Variants in NUP85 observed in about 807,000 individuals in gnomAD.
NUP85 encodes the protein nuclear pore complex protein Nup85.
A neutral mutation model predicts 92.8 loss-of-function variants in NUP85; 23 were observed. The ratio of observed to expected loss-of-function variants is 0.25; its 90% CI spans 0.18 to 0.35. The LOEUF is 0.35. Ranked by LOEUF, NUP85 falls within the 10% of genes least tolerant of loss-of-function variation. The probability of loss-of-function intolerance (pLI) is 1.00; values close to 1 mark genes in which losing one functional copy is unlikely to be tolerated. For synonymous variants in NUP85, 314 were observed against 306.9 expected, an observed-to-expected ratio of 1.02 and a Z score of -0.24; for missense variants, 759 against 822.8, an observed-to-expected ratio of 0.92 and a Z score of 0.95.
intron 5 of NUP85, among the ~76,000 whole-genome samples, chr17:75,213,871 T>TG (rs1295023902): frequency 1.3e-5 from 2 of 148,488 alleles, no homozygotes; most frequent in African/African-American, 5.0e-5. Context: ...AGTTTTTTTT[T>TG]TTTTTTTTTT....
intron 11 of NUP85, chr17:75,229,093 T>TGG (rs1442972431): frequency 1.0e-6 from 1 of 985,516 alleles, no homozygotes; most frequent in East Asian, 1.1e-4. Context: ...GGCAGTTTCC[T>TGG]GGTGCCCTTC....
chr17:75,232,765 G>A (rs138569267), intron 14 of NUP85, 86 bp from the exon 15 acceptor site: 2 of 1,195,058 alleles, frequency 1.7e-6, no homozygotes, highest in East Asian at 2.3e-5. Context: ...GAGTGAGGCT[G>A]TGAGGCCACT....
chr17:75,218,159 T>C, intron 6 of NUP85, 26 bp from the exon 7 acceptor site: 2 of 1,613,464 alleles, frequency 1.2e-6, no homozygotes, highest in South Asian at 2.2e-5. Context: ...GAGGCTTTTG[T>C]GTGTGATGAG....
At position 75,235,200 on chromosome 17, in the gene NUP85, A is replaced by G. The variant is rs768393987; in HGVS notation, c.1868A>G (p.Gln623Arg). 3 of 1,610,358 alleles carry G rather than the reference A, an allele frequency of 1.9e-6. No homozygotes were observed. Among genetic ancestry groups the G allele is most frequent in the Non-Finnish European group, 2.5e-6 (3 of 1,178,198 alleles). ...GGAGAATCTGATACCGAGCAGCTCCAGGTCATTTTCACTTTTGGGTTGATG... is the reference window on the plus strand; with the variant it reads ...GGAGAATCTGATACCGAGCAGCTCCGGGTCATTTTCACTTTTGGGTTGATG... ...VHGESDTEQL[Q>R]DDDIETTKVE... The change falls in exon 18 of 19, where the codon CAG becomes CGG. Residue 623 changes from glutamine to arginine, a missense_variant and splice_region_variant. Gln to Arg is a conservative substitution (Grantham distance 43). Transcript: ENST00000245544.
chr17:75,231,619 G>T lies in NUP85; in HGVS notation c.1225G>T (p.Gly409Ter). 6.2e-7 allele frequency: 1 copy of T among 1,614,198 alleles called. No homozygotes were observed. The highest frequency in any genetic ancestry group is 8.5e-7 in the Non-Finnish European group (1 of 1,180,032). Reference sequence around the variant, plus strand: ...GTTCCTCCTGCTGGAGTACGCCTCGGGACTGTTTGCTCATCCCAGGTAGGA... The same window carrying T: ...GTTCCTCCTGCTGGAGTACGCCTCGTGACTGTTTGCTCATCCCAGGTAGGA... ...REFLLLEYAS[G>*]LFAHPSLWQL... Residue 409 changes from glycine (G) to a stop codon, truncating the protein, a stop_gained, in exon 13 of 19, where the codon GGA becomes TGA. Transcript: ENST00000245544. LOFTEE classifies it high-confidence loss of function. The surrounding 1 kb of genome is among the most constrained non-coding windows in gnomAD (Gnocchi z 4.6).
At position 75,205,683 on chromosome 17, in the gene NUP85, C is replaced by G; in HGVS notation, c.-79C>G. The stretch of plus-strand genomic sequence containing the variant: ...GAGACGCCCAGGCGGAGTCTTGTCT[C>G]GCAGCCAGCTCTGAGCGGGAGGCCT... On this transcript the variant is annotated 5_prime_UTR_variant, in exon 1 of 19. Transcript: ENST00000245544. 6.4e-7 allele frequency: 1 copy of G among 1,570,976 alleles called. No homozygotes were observed. The highest frequency in any genetic ancestry group is 1.1e-5 in the South Asian group (1 of 90,110).
Position 75,231,946 on chromosome 17 carries a change from C to T in NUP85, c.1363C>T (p.Arg455Trp), listed in dbSNP as rs773820046. The change falls in exon 14 of 19, where the codon CGG becomes TGG. Residue 455 changes from arginine to tryptophan, a missense_variant. By Grantham distance (101) the Arg-to-Trp change is moderately radical. Transcript: ENST00000245544. This position sits in a 1 kb window ranked among gnomAD's most constrained non-coding sequence, Gnocchi z 4.6. ...CGAGCAGAAAGCCCTGAAGGTGCTG[C>T]GGATCTGTGAGCAGCGGCAGATGAC... ...NTEQKALKVL[R>W]ICEQRQMTEQ... is the part of the protein sequence containing the mutation. 1.1e-5 allele frequency: 18 copies of T among 1,614,048 alleles called. No homozygotes were observed. Among genetic ancestry groups the T allele is most frequent in the South Asian group, 2.2e-5 (2 of 91,088 alleles).
At chr17:75,233,945 G>A (rs1281619006) in intron 16 of NUP85, among the ~76,000 whole-genome samples, 2 of 151,628 alleles carry the variant, frequency 1.3e-5, no homozygotes, top group Non-Finnish European at 2.9e-5. Context: ...TGTTGGTCAG[G>A]CTGGTCTGGA....
At chr17:75,229,622 G>C (rs1825428103) in intron 11 of NUP85, among the ~76,000 whole-genome samples, 2 of 152,170 alleles carry the variant, frequency 1.3e-5, no homozygotes, top group African/African-American at 2.4e-5. Context: ...AGACCTAACT[G>C]TGTGGTTCAG....
At position 75,213,133 on chromosome 17, in the gene NUP85, C is replaced by T; in HGVS notation, c.405+14C>T. 6.2e-7 allele frequency: 1 copy of T among 1,612,960 alleles called. No homozygotes were observed. Among genetic ancestry groups the T allele is most frequent in the Non-Finnish European group, 8.5e-7 (1 of 1,179,550 alleles). Reference sequence around the variant, plus strand: ...TTCAGCAGCCAGGTAAGGGGAGTCACCTTTATTGTTTTAGCACCACTGTGT... The same window carrying T: ...TTCAGCAGCCAGGTAAGGGGAGTCATCTTTATTGTTTTAGCACCACTGTGT... On this transcript the variant is annotated intron_variant, in intron 5 of 18. Transcript: ENST00000245544.
At chr17:75,225,282 G>T (rs780147191) in intron 8 of NUP85, 45 bp downstream of exon 8, 55 of 1,610,212 alleles carry the variant, frequency 3.4e-5, no homozygotes, top group Non-Finnish European at 4.6e-5. Context: ...GGAGATGCGT[G>T]ATTCACTAAA....
intron 5 of NUP85, 107 bp downstream of exon 5, chr17:75,213,226 A>G: frequency 1.1e-6 from 1 of 904,576 alleles, no homozygotes; most frequent in Non-Finnish European, 1.8e-6. Flanking sequence ...TCTTCTTTTC[A>G]GGTAGATAGG....
intron 17 of NUP85, 47 bp from the exon 18 acceptor site, chr17:75,235,053 C>G (rs73356305): frequency 0.019 from 28,507 of 1,478,116 alleles, 1,796 homozygotes; most frequent in African/African-American, 0.18. Flanking sequence ...CCAACCAATG[C>G]AGGCCAGGGC....
intron 6 of NUP85, among the ~76,000 whole-genome samples, chr17:75,217,143 C>T (rs2075454364): frequency 6.6e-6 from 1 of 152,108 alleles, no homozygotes; most frequent in Non-Finnish European, 1.5e-5. Flanking sequence ...GCTCAGAAGC[C>T]TCGACTTCCT....
At position 75,212,085 on chromosome 17, in the gene NUP85, CGCGT is replaced by C. The variant is rs766927968; in HGVS notation, c.361+25_361+28del. 7.6e-5 allele frequency: 106 copies of C among 1,397,218 alleles called. 1 individual carries two copies. Among genetic ancestry groups the C allele is most frequent in the African/African-American group, 3.7e-4 (13 of 35,262 alleles). 86.6% of individuals were successfully genotyped at this position (1,397,218 alleles called of 1,614,324 possible). A position where few individuals can be genotyped will look rare whatever the true frequency, so the allele number is the denominator to read the frequency against. ...CAAGTAAGGACTGTGTGCGCGTGCGCGCGTGTGTGTGTGTGTGTGTGTGTGGGTA... is the reference window on the plus strand; with the variant it reads ...CAAGTAAGGACTGTGTGCGCGTGCGCGTGTGTGTGTGTGTGTGTGTGGGTA... On this transcript the variant is annotated intron_variant, in intron 4 of 18. Coordinates refer to ENST00000245544, the MANE Select transcript of NUP85 (RefSeq NM_024844.5).
At chr17:75,208,401 C>T (rs2075153121) in intron 1 of NUP85, 126 bp from the exon 2 acceptor site, 1 of 670,322 alleles carries the variant, frequency 1.5e-6, no homozygotes, top group East Asian at 2.5e-5. Context: ...GCTGAGATTA[C>T]ACCACTGTAC....
At position 75,209,927 on chromosome 17, in the gene NUP85, A is replaced by C. The variant is rs578086003; in HGVS notation, c.232A>C (p.Ile78Leu). The change falls in exon 3 of 19, where the codon ATC becomes CTC. Residue 78 changes from isoleucine (I) to leucine (L), a missense_variant. Transcript: ENST00000245544. ...LRKLFNESHGIFLGLQRIDEE... is the reference protein window; with the variant it reads ...LRKLFNESHGLFLGLQRIDEE... ...AAAACTCTTCAATGAATCCCATGGA[A>C]TCTTTCTGGGCCTCCAGAGAATTGA... 1.9e-6 allele frequency: 3 copies of C among 1,585,426 alleles called. No individual in the cohort carries two copies. The highest frequency in any genetic ancestry group is 1.2e-5 in the South Asian group (1 of 85,180).
rs1311169885 is a variant in NUP85, at chr17:75,233,028, C to T, written c.1515-30C>T. On this transcript the variant is annotated intron_variant, in intron 15 of 18. Transcript: ENST00000245544. ...GGTGGTTGAGGTGGGCCTGAGACTG[C>T]TGCTCTGATCTCTGGGCCGGGCCCT... 2.5e-6 allele frequency: 4 copies of T among 1,613,098 alleles called. No homozygotes were observed. In the Admixed American group the frequency reaches 5.0e-5, roughly 20 times the overall value.
At chr17:75,208,466 T>C (rs1220822015) in intron 1 of NUP85, 61 bp from the exon 2 acceptor site, 1 of 810,562 alleles carries the variant, frequency 1.2e-6, no homozygotes. Context: ...AAAAAAAGAA[T>C]GGAACAACTT....
Sources: allele counts gnomAD v4.1 joint callset (sites outside exome capture counted in the v4.1 genomes callset), GRCh38; gene constraint gnomAD v4.1.1; non-coding constraint Gnocchi (gnomAD v3.1); transcripts MANE v1.5; gene names NCBI Gene and HGNC (gene_info 2026-07-23, HGNC 2026-07-21).